Variants in KAT2A observed in about 807,000 individuals in gnomAD.
KAT2A encodes histone acetyltransferase KAT2A.
KAT2A carries 42 observed loss-of-function variants against 95.2 expected under a neutral mutation model. That is an observed-to-expected ratio of 0.44 (90% CI 0.34 to 0.57). The LOEUF (loss-of-function observed/expected upper bound fraction) is 0.57. Among genes scored for constraint, KAT2A ranks in the 20% least tolerant of loss-of-function variants. The pLI is 0.01. For synonymous variants in KAT2A, 449 were observed against 448.2 expected (o/e 1.00, Z -0.02); for missense variants, 784 against 1,126.3 (o/e 0.70, Z 4.35).
Position 42,113,479 on chromosome 17 carries a change from G to A in KAT2A, c.*170C>T, listed in dbSNP as rs1404019277. The A allele has an allele frequency of 1.4e-5, 8 of 592,204 alleles. No individual in the cohort carries two copies. Among genetic ancestry groups the A allele is most frequent in the Middle Eastern group, 4.4e-4 (1 of 2,282 alleles). The allele number at this position is 592,204 out of a possible 1,614,324, so 36.7% of individuals were successfully genotyped here. A position where few individuals can be genotyped will look rare whatever the true frequency, so the allele number is the denominator to read the frequency against. Reference sequence around the variant, plus strand: ...AGTGAAGGCTGGGACAGAGCTGCACGCTTGGGGGTGCCTGAAGGTCCAGAA... The same window carrying A: ...AGTGAAGGCTGGGACAGAGCTGCACACTTGGGGGTGCCTGAAGGTCCAGAA... On this transcript the variant is annotated 3_prime_UTR_variant, in exon 18 of 18. Transcript: ENST00000225916.
intron 2 of KAT2A, 122 bp downstream of exon 2, chr17:42,120,583 CA>C: frequency 1.4e-6 from 2 of 1,381,864 alleles, no homozygotes; most frequent in Admixed American, 1.8e-5. Flanking sequence ...CACCCCCCCC[CA>C]ACCCAATCCC....
In KAT2A at chr17:42,113,457, G is replaced by A; in HGVS notation, c.*192C>T. On this transcript the variant is annotated 3_prime_UTR_variant, in exon 18 of 18. Transcript: ENST00000225916. ...ACCCAGGAGACCTCTCACACACAGT[G>A]AAGGCTGGGACAGAGCTGCACGCTT... is the stretch of plus-strand genomic sequence containing the variant. The A allele has an allele frequency of 3.8e-6, 2 of 529,602 alleles. No homozygotes were observed. The highest frequency in any genetic ancestry group is 6.5e-6 in the Non-Finnish European group (2 of 306,826). The allele number at this position is 529,602 out of a possible 1,614,324, so 32.8% of individuals were successfully genotyped here. A position where few individuals can be genotyped will look rare whatever the true frequency, so the allele number is the denominator to read the frequency against.
In KAT2A at chr17:42,119,107, G is replaced by T; in HGVS notation, c.1073+138C>A. On this transcript the variant is annotated intron_variant, in intron 6 of 17. Transcript: ENST00000225916. This position sits in a 1 kb window ranked among gnomAD's most constrained non-coding sequence, Gnocchi z 5.3. Reference sequence around the variant, plus strand: ...TTGCTTCTGGGCCATGGGCAAGTCTGCCAGGTAGACGCCCAGATCCCAAAA... The same window carrying T: ...TTGCTTCTGGGCCATGGGCAAGTCTTCCAGGTAGACGCCCAGATCCCAAAA... 6.7e-7 allele frequency: 1 copy of T among 1,500,508 alleles called. No individual in the cohort carries two copies. Among genetic ancestry groups the T allele is most frequent in the Non-Finnish European group, 8.9e-7 (1 of 1,126,466 alleles). The allele number at this position is 1,500,508 out of a possible 1,614,324, so 92.9% of individuals were successfully genotyped here.
chr17:42,120,591 T>G, intron 2 of KAT2A, 115 bp downstream of exon 2: 2 of 1,153,708 alleles, frequency 1.7e-6, no homozygotes, highest in Non-Finnish European at 2.5e-6. Context: ...CCCAACCCAA[T>G]CCCTCCTTCG....
intron 1 of KAT2A, 59 bp from the exon 2 acceptor site, chr17:42,120,888 C>T: frequency 6.4e-7 from 1 of 1,565,476 alleles, no homozygotes; most frequent in Non-Finnish European, 8.7e-7. Context: ...CGCTCCGCAG[C>T]CAGAGCTTTG....
chr17:42,114,898 C>T lies in KAT2A; in HGVS notation c.2013G>A (p.Gln671=). Residue 671 remains glutamine (Q), a synonymous_variant, in exon 13 of 18, where the codon CAG becomes CAA. Coordinates refer to ENST00000225916, the MANE Select transcript of KAT2A (RefSeq NM_021078.3). This position sits in a 1 kb window ranked among gnomAD's most constrained non-coding sequence, Gnocchi z 6.0. ...GCGCATGTGTGCACACCACCTCTTT[C>T]TGCTTCTTGATGATGTGGGACAGCT... ...YTELSHIIKK[Q]KEIIKKLIER... 6.2e-7 allele frequency: 1 copy of T among 1,614,038 alleles called. No individual in the cohort carries two copies.
At chr17:42,115,878 C>G in intron 11 of KAT2A, 45 bp from the exon 12 acceptor site, 2 of 1,128,242 alleles carry the variant, frequency 1.8e-6, no homozygotes, top group Non-Finnish European at 2.7e-6. Flanking sequence ...GAGGATGGGC[C>G]TGGTGCTGGA....
At position 42,113,997 on chromosome 17, in the gene KAT2A, C is replaced by T. The variant is rs1207599181; in HGVS notation, c.2320+3G>A. Reference sequence around the variant, plus strand: ...GGAAGGGGATGGAATGGAAGGTCCTCACCAATGGGGAAGCGGATGACCTCG... The same window carrying T: ...GGAAGGGGATGGAATGGAAGGTCCTTACCAATGGGGAAGCGGATGACCTCG... On this transcript the variant is annotated splice_donor_region_variant and intron_variant, in intron 17 of 17. Coordinates refer to ENST00000225916, the MANE Select transcript of KAT2A (RefSeq NM_021078.3). 6 of 1,513,080 alleles carry T rather than the reference C, an allele frequency of 4.0e-6. No individual in the cohort carries two copies. The highest frequency in any genetic ancestry group is 5.3e-6 in the Non-Finnish European group (6 of 1,134,638). 93.7% of individuals were successfully genotyped at this position (1,513,080 alleles called of 1,614,324 possible).
chr17:42,118,957 G>A, intron 6 of KAT2A: 2 of 1,091,160 alleles, frequency 1.8e-6, no homozygotes, highest in Non-Finnish European at 2.3e-6. Context: ...TGCAGGGAAG[G>A]AGTCTGAGGC....
Position 42,118,001 on chromosome 17 carries a change from C to G in KAT2A, c.1197G>C (p.Ala399=), listed in dbSNP as rs782764342. 10 of 1,597,802 alleles carry G rather than the reference C, an allele frequency of 6.3e-6. No homozygotes were observed. Among genetic ancestry groups the G allele is most frequent in the Non-Finnish European group, 8.5e-6 (10 of 1,171,588 alleles). The change falls in exon 8 of 18, where the codon GCG becomes GCC. Residue 399 remains alanine (A), a synonymous_variant. Transcript: ENST00000225916. ...TGAAGATGGGGGTGCTGGGAACAAC[C>G]GCTGCACTGACTGAAGCTGAGGAGA... ...LVPRPASVSA[A]VVPSTPIFSP...
At chr17:42,118,449 G>A (rs1555666605) in intron 6 of KAT2A, 46 bp from the exon 7 acceptor site, 3 of 1,373,278 alleles carry the variant, frequency 2.2e-6, no homozygotes, top group Non-Finnish European at 3.1e-6. Flanking sequence ...TCTCCAGGGT[G>A]CAGCCTGGGC....
In KAT2A at chr17:42,118,378, TCTC is replaced by T; in HGVS notation, c.1096_1098del (p.Glu366del). 6.2e-7 allele frequency: 1 copy of T among 1,613,156 alleles called. No individual in the cohort carries two copies. Among genetic ancestry groups the T allele is most frequent in the East Asian group, 2.2e-5 (1 of 44,874 alleles). On this transcript the variant is annotated inframe_deletion, in exon 7 of 18. Coordinates refer to ENST00000225916, the MANE Select transcript of KAT2A (RefSeq NM_021078.3). ...CAGATTGGAGAGTTTGCCCCATAGA[TCTC>T]CTCCTCCAGCATGGACAGGAATCTG...
intron 17 of KAT2A, 27 bp from the exon 18 acceptor site, chr17:42,113,869 C>CT (rs2054208705): frequency 6.5e-7 from 1 of 1,543,950 alleles, no homozygotes; most frequent in Admixed American, 2.2e-5. Flanking sequence ...CGGAGCACAG[C>CT]TTTAAGAGGC....
Position 42,115,837 on chromosome 17 carries a change from CG to C in KAT2A, c.1765-5del. The C allele has an allele frequency of 1.9e-6, 3 of 1,571,886 alleles. No homozygotes were observed. Among genetic ancestry groups the C allele is most frequent in the Non-Finnish European group, 2.6e-6 (3 of 1,141,732 alleles). On this transcript the variant is annotated splice_region_variant and splice_polypyrimidine_tract_variant and intron_variant, in intron 11 of 17. Transcript: ENST00000225916. ...TCATCAGGTGGGTCCCATAACCCTG[CG>C]GGGGAGGGAAGCAGGACTCACCAGG...
chr17:42,113,928 AG>A, intron 17 of KAT2A, 71 bp downstream of exon 17: 1 of 1,478,994 alleles, frequency 6.8e-7, no homozygotes, highest in Non-Finnish European at 9.0e-7. Flanking sequence ...CTGGGGCTGC[AG>A]GGCGCAGTGA....
chr17:42,114,640 C>G lies in KAT2A; in HGVS notation c.2020-36G>C, dbSNP rs782317499. The G allele has an allele frequency of 1.3e-5, 21 of 1,567,900 alleles. 2 individuals carry two copies. The South Asian group carries it at 2.3e-4, about 17-fold the overall frequency. On this transcript the variant is annotated intron_variant, in intron 13 of 17. Transcript: ENST00000225916. The surrounding 1 kb of genome is among the most constrained non-coding windows in gnomAD (Gnocchi z 6.0). ...GAAGGGACTGAGGGGCCAACTCCAG[C>G]CCCAACAACAACCCCTCCCAGGGCC...
In KAT2A at chr17:42,119,194, G is replaced by A; in HGVS notation, c.1073+51C>T. 2 of 1,556,806 alleles carry A rather than the reference G, an allele frequency of 1.3e-6. No homozygotes were observed. Among genetic ancestry groups the A allele is most frequent in the South Asian group, 1.2e-5 (1 of 82,686 alleles). On this transcript the variant is annotated intron_variant, in intron 6 of 17. Coordinates refer to ENST00000225916, the MANE Select transcript of KAT2A (RefSeq NM_021078.3). The surrounding 1 kb of genome is among the most constrained non-coding windows in gnomAD (Gnocchi z 5.3). ...CCTTCCTGGAAAAAAGGGGACAACA[G>A]GGAGGATGTGAACTTGGGGCCAAAT... is the stretch of plus-strand genomic sequence containing the variant.
intron 11 of KAT2A, 29 bp from the exon 12 acceptor site, chr17:42,115,862 G>A: frequency 2.3e-6 from 3 of 1,315,086 alleles, no homozygotes; most frequent in Non-Finnish European, 3.3e-6. Context: ...GGACTCACCA[G>A]GAGCTGAGGA....
At position 42,119,548 on chromosome 17, in the gene KAT2A, G is replaced by C; in HGVS notation, c.870C>G (p.Val290=). The change falls in exon 5 of 18, where the codon GTC becomes GTG. Residue 290 remains valine, a synonymous_variant. Coordinates refer to ENST00000225916, the MANE Select transcript of KAT2A (RefSeq NM_021078.3). This position sits in a 1 kb window ranked among gnomAD's most constrained non-coding sequence, Gnocchi z 5.3. Reference sequence around the variant, plus strand: ...CTGGCTGGGCCTACCTGGTGTAATTGACCTTGTAGGTAGCCACGTCCTCAG... The same window carrying C: ...CTGGCTGGGCCTACCTGGTGTAATTCACCTTGTAGGTAGCCACGTCCTCAG... The part of the protein sequence containing the change: ...SQAEDVATYK[V]NYTRWLCYCH... The C allele has an allele frequency of 6.3e-7, 1 of 1,595,976 alleles. No homozygotes were observed. The highest frequency in any genetic ancestry group is 8.5e-7 in the Non-Finnish European group (1 of 1,169,998).
Sources: allele counts gnomAD v4.1 joint callset, GRCh38; gene constraint gnomAD v4.1.1; non-coding constraint Gnocchi (gnomAD v3.1); transcripts MANE v1.5; gene names NCBI Gene and HGNC (gene_info 2026-07-23, HGNC 2026-07-21).